The following RAPGEF4 variants were observed in gnomAD, a reference collection of about 807,000 sequenced individuals.
RAPGEF4 encodes the protein RAP guanine-nucleotide-exchange factor (GEF) 4.
In RAPGEF4, 66 loss-of-function variants were observed where a neutral mutation model predicts 147.9. The ratio of observed to expected loss-of-function variants is 0.45; its 90% confidence interval spans 0.37 to 0.55. RAPGEF4 has a LOEUF of 0.55. Among genes scored for constraint, RAPGEF4 ranks in the 20% least tolerant of loss-of-function variants. RAPGEF4 has a pLI of 0.00. For missense variants in RAPGEF4, 1,071 were observed against 1,257.3 expected (o/e 0.85, Z 2.24); for synonymous variants, 419 against 442.7 (o/e 0.95, Z 0.67).
intron 4 of RAPGEF4, among the ~76,000 whole-genome samples, chr2:172,872,787 G>A (rs1012781041): frequency 6.6e-6 from 1 of 152,086 alleles, no homozygotes; most frequent in Non-Finnish European, 1.5e-5. Flanking sequence ...GGAACTGTGA[G>A]TCTATTAAAC....
chr2:172,751,919 G>A (rs1044879115), intron 1 of RAPGEF4, among the ~76,000 whole-genome samples: 2 of 148,264 alleles, frequency 1.3e-5, no homozygotes, highest in Admixed American at 6.8e-5. Context: ...GATAGATGAA[G>A]TCCTTTTGGA....
intron 1 of RAPGEF4, among the ~76,000 whole-genome samples, chr2:172,791,770 C>T (rs1041359124): frequency 6.6e-6 from 1 of 152,190 alleles, no homozygotes; most frequent in Admixed American, 6.5e-5. Context: ...GGTTCTGAAG[C>T]TTGAAGTTCT....
chr2:172,926,834 T>A lies in RAPGEF4; in HGVS notation c.537+4534T>A, dbSNP rs534523628. On this transcript the variant is annotated intron_variant, in intron 6 of 30. Transcript: ENST00000397081. ...ATCTGCCCGACTCAGCCTCTCAAAG[T>A]GCTGGGATTACAAGTGTGAGCTACC... Among the ~76,000 whole-genome samples the A allele has an allele frequency of 2.0e-4, 30 of 152,316 alleles. No individual in the cohort carries two copies. In the South Asian group the frequency reaches 6.0e-3, roughly 31 times the overall value.
intron 17 of RAPGEF4, among the ~76,000 whole-genome samples, chr2:173,002,618 T>TTCC: frequency 8.0e-6 from 1 of 125,070 alleles, no homozygotes; most frequent in Non-Finnish European, 1.8e-5. Flanking sequence ...TCTTTTATTC[T>TTCC]TTCTTTTTTT....
At chr2:172,947,593 G>A (rs373578104) in intron 6 of RAPGEF4, among the ~76,000 whole-genome samples, 7 of 151,784 alleles carry the variant, frequency 4.6e-5, no homozygotes, top group East Asian at 1.9e-4. Context: ...TTTTTCCTTC[G>A]AGTCATTCCT....
At chr2:173,017,871 G>A (rs762622640) in intron 21 of RAPGEF4, among the ~76,000 whole-genome samples, 64 of 152,154 alleles carry the variant, frequency 4.2e-4, no homozygotes, top group Admixed American at 1.6e-3. Context: ...ATCCTGCCCA[G>A]GGACAATGCT....
chr2:172,863,145 A>C (rs1046294246), intron 4 of RAPGEF4, among the ~76,000 whole-genome samples: 1 of 152,194 alleles, frequency 6.6e-6, no homozygotes, highest in Non-Finnish European at 1.5e-5. Context: ...AGGAGTGAAA[A>C]AATGATGGGT....
intron 1 of RAPGEF4, among the ~76,000 whole-genome samples, chr2:172,786,521 A>G (rs761826741): frequency 4.6e-5 from 7 of 152,204 alleles, no homozygotes; most frequent in South Asian, 4.1e-4. Context: ...GCCATTTAAA[A>G]TGTCATAGAT....
At chr2:172,938,687 T>A (rs949219802) in intron 6 of RAPGEF4, among the ~76,000 whole-genome samples, 3 of 152,242 alleles carry the variant, frequency 2.0e-5, no homozygotes, top group Non-Finnish European at 2.9e-5. Flanking sequence ...TAAATGATTT[T>A]TAGAATTTGC....
At chr2:172,925,907 G>A (rs1325805232) in intron 6 of RAPGEF4, among the ~76,000 whole-genome samples, 1 of 139,378 alleles carries the variant, frequency 7.2e-6, no homozygotes, top group Non-Finnish European at 1.5e-5. Context: ...AGAAGAAAGA[G>A]AGAAAGAAAG....
chr2:172,864,968 T>C (rs34469004), intron 4 of RAPGEF4, among the ~76,000 whole-genome samples: 11,228 of 152,264 alleles, frequency 0.074, 454 homozygotes, highest in South Asian at 0.13. Flanking sequence ...GCTTCGGACA[T>C]TGTCGTACTG....
rs539444321 is a variant in RAPGEF4, at chr2:172,922,120, A to G, written c.518-161A>G. Among the ~76,000 whole-genome samples, 163 of 152,356 alleles carry G rather than the reference A, an allele frequency of 1.1e-3. No individual in the cohort carries two copies. The South Asian group carries it at 0.013, about 12-fold the overall frequency. On this transcript the variant is annotated intron_variant, in intron 5 of 30. Coordinates refer to ENST00000397081, the MANE Select transcript of RAPGEF4 (RefSeq NM_007023.4). ...CATTGATTTATTTAAGCAGCATTATATAAGTTTTTATATTTCTAAGCAGCA... is the reference window on the plus strand; with the variant it reads ...CATTGATTTATTTAAGCAGCATTATGTAAGTTTTTATATTTCTAAGCAGCA...
At position 173,020,722 on chromosome 2, in the gene RAPGEF4, G is replaced by A; in HGVS notation, c.2253+7G>A. ...AGAGCAATTCGATTCACTGGTAGGT[G>A]TGGATGGCCTGCTCAGAGCAGCATT... On this transcript the variant is annotated splice_region_variant and intron_variant, in intron 23 of 30. Transcript: ENST00000397081. The A allele has an allele frequency of 6.2e-7, 1 of 1,609,180 alleles. No homozygotes were observed. Among genetic ancestry groups the A allele is most frequent in the Non-Finnish European group, 8.5e-7 (1 of 1,175,888 alleles).
intron 5 of RAPGEF4, among the ~76,000 whole-genome samples, chr2:172,919,890 CTGCT>C (rs1381525759): frequency 6.6e-6 from 1 of 152,092 alleles, no homozygotes; most frequent in African/African-American, 2.4e-5. Context: ...GCCATCACCC[CTGCT>C]TGCCCGGGCC....
At chr2:172,911,705 T>G (rs1700108430) in intron 4 of RAPGEF4, among the ~76,000 whole-genome samples, 1 of 149,326 alleles carries the variant, frequency 6.7e-6, no homozygotes, top group Admixed American at 6.7e-5. Context: ...GTGATCTGCC[T>G]GCCTCGGCCT....
intron 6 of RAPGEF4, among the ~76,000 whole-genome samples, chr2:172,948,956 T>G (rs1049820200): frequency 6.6e-6 from 1 of 152,098 alleles, no homozygotes; most frequent in Non-Finnish European, 1.5e-5. Flanking sequence ...AACTTAAAAG[T>G]TTTTAAAAAG....
chr2:172,749,615 G>A (rs1031659083), intron 1 of RAPGEF4, among the ~76,000 whole-genome samples: 3 of 152,226 alleles, frequency 2.0e-5, no homozygotes, highest in African/African-American at 7.2e-5. Context: ...CTGCTGCAAA[G>A]GTCTCTGACG....
In RAPGEF4 at chr2:172,906,505, C is replaced by G. The variant is rs1699645773; in HGVS notation, c.445-11297C>G. 2.6e-5 allele frequency among the ~76,000 whole-genome samples: 4 copies of G among 152,354 alleles called. No homozygotes were observed. In the South Asian group the frequency reaches 8.3e-4, roughly 32 times the overall value. Reference sequence around the variant, plus strand: ...CAGCCAAGGGGTTTCAGACATATCCCCAGGGAGCTTCTGATGCTTTCGCTA... The same window carrying G: ...CAGCCAAGGGGTTTCAGACATATCCGCAGGGAGCTTCTGATGCTTTCGCTA... On this transcript the variant is annotated intron_variant, in intron 4 of 30. Transcript: ENST00000397081.
chr2:172,889,320 T>C (rs1697614039), intron 4 of RAPGEF4, among the ~76,000 whole-genome samples: 1 of 152,208 alleles, frequency 6.6e-6, no homozygotes, highest in Non-Finnish European at 1.5e-5. Context: ...CCACTTTTAC[T>C]GGATTTTCAT....
Sources: allele counts gnomAD v4.1 joint callset (sites outside exome capture counted in the v4.1 genomes callset), GRCh38; gene constraint gnomAD v4.1.1; transcripts MANE v1.5; gene names NCBI Gene and HGNC (gene_info 2026-07-23, HGNC 2026-07-21).